Variants in DEPTOR observed in about 807,000 individuals in gnomAD.
DEPTOR encodes the protein DEP domain containing MTOR interacting protein.
DEPTOR carries 41 observed loss-of-function variants against 41.6 expected under a neutral mutation model. That is an observed-to-expected ratio of 0.98 (90% CI 0.77 to 1.28). The LOEUF is 1.28. Ranked by LOEUF, DEPTOR falls within the 50% of genes most tolerant of loss-of-function variation. DEPTOR has a pLI of 0.00. For synonymous variants in DEPTOR, 195 were observed against 192.3 expected (o/e 1.01, Z -0.12); for missense variants, 514 against 527.9 (o/e 0.97, Z 0.26).
At chr8:119,928,688 G>C (rs1224276056) in intron 2 of DEPTOR, 110 bp downstream of exon 2, 1 of 1,162,826 alleles carries the variant, frequency 8.6e-7, no homozygotes, top group South Asian at 2.0e-5. Flanking sequence ...TATCTCCAGT[G>C]TACCTCTCCC....
intron 8 of DEPTOR, among the ~76,000 whole-genome samples, chr8:120,045,978 A>T (rs1813147737): frequency 6.6e-6 from 1 of 152,052 alleles, no homozygotes; most frequent in African/African-American, 2.4e-5. Context: ...ATCCTCCCAC[A>T]CATACAGCCT....
chr8:120,003,247 G>A (rs2130086912), intron 6 of DEPTOR, 136 bp downstream of exon 6: 2 of 1,422,794 alleles, frequency 1.4e-6, no homozygotes, highest in East Asian at 2.3e-5. Flanking sequence ...GTCCACACGT[G>A]TTGAATGGAA....
intron 1 of DEPTOR, among the ~76,000 whole-genome samples, chr8:119,902,857 A>C (rs555198905): frequency 6.6e-6 from 1 of 152,216 alleles, no homozygotes; most frequent in South Asian, 2.1e-4. Flanking sequence ...AAAATATGCA[A>C]AATTGGAGAG....
Position 120,050,374 on chromosome 8 carries a change from G to T in DEPTOR, c.*670G>T, listed in dbSNP as rs1813218565. On this transcript the variant is annotated 3_prime_UTR_variant, in exon 9 of 9. Coordinates refer to ENST00000286234, the MANE Select transcript of DEPTOR (RefSeq NM_022783.4). ...AGTTAGGGAGAGACTACATGAAATT[G>T]TGTGCCCCTATTTTCTTTCTGATCC... 6.6e-6 allele frequency: 1 copy of T among 151,586 alleles called. No homozygotes were observed. The highest frequency in any genetic ancestry group is 6.6e-5 in the Admixed American group (1 of 15,218). 9.4% of individuals were successfully genotyped at this position (151,586 alleles called of 1,614,324 possible).
rs377443807 is a variant in DEPTOR, at chr8:119,900,380, CTTTTTTT to C, written c.122+26430_122+26436del. 1.0e-3 allele frequency among the ~76,000 whole-genome samples: 45 copies of C among 43,918 alleles called. 3 individuals carry two copies. The highest frequency in any genetic ancestry group is 4.9e-3 in the African/African-American group (41 of 8,312). 28.8% of individuals were successfully genotyped at this position (43,918 alleles called of 152,430 possible). ...TAAATGTCTATTACACACCCCTCAC[CTTTTTTT>C]TTTTTTTTTTTTTTTTTGGGAGACA... On this transcript the variant is annotated intron_variant, in intron 1 of 8. Transcript: ENST00000286234.
At chr8:120,027,713 A>C (rs1270496676) in intron 8 of DEPTOR, among the ~76,000 whole-genome samples, 1 of 152,054 alleles carries the variant, frequency 6.6e-6, no homozygotes, top group African/African-American at 2.4e-5. Context: ...CTCAAAAAAA[A>C]AAAAGAGTAA....
At chr8:119,981,653 A>AG (rs1554582957) in intron 4 of DEPTOR, among the ~76,000 whole-genome samples, 1 of 16,004 alleles carries the variant, frequency 6.2e-5, no homozygotes, top group Non-Finnish European at 1.8e-4. Context: ...ACCCTATCTC[A>AG]AAAAAAAAAA....
At chr8:120,000,915 G>A (rs973658671) in intron 4 of DEPTOR, among the ~76,000 whole-genome samples, 12 of 151,234 alleles carry the variant, frequency 7.9e-5, no homozygotes, top group South Asian at 2.1e-4. Context: ...CCGTCTCTAC[G>A]AAAATACAAA....
At chr8:119,932,506 G>A (rs1828058082) in intron 3 of DEPTOR, among the ~76,000 whole-genome samples, 1 of 152,216 alleles carries the variant, frequency 6.6e-6, no homozygotes, top group Non-Finnish European at 1.5e-5. Context: ...CTATGGGCCA[G>A]TCACACAGCA....
intron 8 of DEPTOR, among the ~76,000 whole-genome samples, chr8:120,048,253 AAGCTCTGGGTTGGGAAGG>A (rs2130220878): frequency 6.6e-6 from 1 of 152,296 alleles, no homozygotes; most frequent in Non-Finnish European, 1.5e-5. Context: ...CTAGGGTCTA[AAGCTCTGGGTTGGGAAGG>A]AGGTGAAATT....
intron 3 of DEPTOR, among the ~76,000 whole-genome samples, chr8:119,950,867 G>A (rs972900066): frequency 2.0e-5 from 3 of 152,034 alleles, no homozygotes; most frequent in Non-Finnish European, 2.9e-5. Flanking sequence ...CAAAGTGCTG[G>A]GATTACAGGC....
chr8:119,926,277 A>G (rs1383542837), intron 1 of DEPTOR, among the ~76,000 whole-genome samples: 2 of 152,168 alleles, frequency 1.3e-5, no homozygotes. Flanking sequence ...TCAGATAAAC[A>G]TGATGATTCA....
intron 4 of DEPTOR, chr8:119,969,798 T>C (rs1828610633): frequency 1.3e-5 from 2 of 152,218 alleles, no homozygotes; most frequent in Non-Finnish European, 1.5e-5. Flanking sequence ...AACTTGGAGT[T>C]ATGAAAATAT....
At chr8:119,889,401 G>T (rs1827416792) in intron 1 of DEPTOR, among the ~76,000 whole-genome samples, 1 of 151,316 alleles carries the variant, frequency 6.6e-6, no homozygotes, top group Non-Finnish European at 1.5e-5. Context: ...TTAAAAATTA[G>T]CCAGGTGTGT....
intron 6 of DEPTOR, among the ~76,000 whole-genome samples, chr8:120,004,817 C>T (rs897441678): frequency 6.6e-6 from 1 of 151,992 alleles, no homozygotes; most frequent in Non-Finnish European, 1.5e-5. Flanking sequence ...TTCCCAAGAC[C>T]CAGTGAGTTC....
chr8:119,928,255 G>C, intron 1 of DEPTOR, 145 bp from the exon 2 acceptor site: 1 of 819,500 alleles, frequency 1.2e-6, no homozygotes, highest in Non-Finnish European at 1.8e-6. Flanking sequence ...AACTCTGACA[G>C]TATGGAAATC....
At chr8:119,939,333 C>G (rs563811147) in intron 3 of DEPTOR, among the ~76,000 whole-genome samples, 22 of 152,274 alleles carry the variant, frequency 1.4e-4, no homozygotes, top group African/African-American at 5.1e-4. Flanking sequence ...TAGTTTCATC[C>G]AGGTAGCTGA....
At chr8:119,995,635 A>G (rs1812249037) in intron 4 of DEPTOR, among the ~76,000 whole-genome samples, 1 of 152,046 alleles carries the variant, frequency 6.6e-6, no homozygotes, top group Non-Finnish European at 1.5e-5. Context: ...TCTCAAAGTT[A>G]CTCAGCATAA....
At chr8:119,976,833 G>T (rs988444350) in intron 4 of DEPTOR, among the ~76,000 whole-genome samples, 1 of 152,134 alleles carries the variant, frequency 6.6e-6, no homozygotes, top group East Asian at 1.9e-4. Flanking sequence ...TGGGAGAATG[G>T]GGGTAGTTGT....
Sources: gnomAD v4.1 joint callset for allele counts (sites outside exome capture counted in the v4.1 genomes callset) on GRCh38, gnomAD v4.1.1 for gene constraint, MANE v1.5 for transcripts, NCBI Gene and HGNC (gene_info 2026-07-23, HGNC 2026-07-21) for gene names.